RANBP2: variants seen among roughly 807,000 people sequenced by gnomAD.
RANBP2 encodes the protein RAN binding protein 2.
A neutral mutation model predicts 303.6 loss-of-function variants in RANBP2; 57 were observed. That is an observed-to-expected ratio of 0.19 (90% CI 0.15 to 0.23). RANBP2 has a LOEUF of 0.23. RANBP2 is among the 10% of genes least tolerant of loss of function. RANBP2 has a pLI of 1.00. For synonymous variants in RANBP2, 1,167 were observed against 1,301.5 expected (o/e 0.90, Z 2.23); for missense variants, 3,138 against 3,780.8 (o/e 0.83, Z 4.46).
chr2:109,681,109 G>A, the RANBP2 span, among the ~76,000 whole-genome samples: 1 of 152,226 alleles, frequency 6.6e-6, no homozygotes, highest in Non-Finnish European at 1.5e-5. Context: ...TGGACTAACT[G>A]CAGTCTTCTC....
the RANBP2 span, among the ~76,000 whole-genome samples, chr2:109,268,432 C>T: frequency 1.3e-5 from 2 of 152,102 alleles, no homozygotes; most frequent in East Asian, 3.9e-4. Flanking sequence ...CTCTCCCATC[C>T]TGTCCTGTCC....
At chr2:109,629,723 A>C in the RANBP2 span, among the ~76,000 whole-genome samples, 1 of 151,978 alleles carries the variant, frequency 6.6e-6, no homozygotes, top group Non-Finnish European at 1.5e-5. Flanking sequence ...AGGCAGAAGA[A>C]TCGCTTGAAC....
At chr2:109,213,454 C>T in the RANBP2 span, among the ~76,000 whole-genome samples, 1 of 152,174 alleles carries the variant, frequency 6.6e-6, no homozygotes. Context: ...GGACACTTCC[C>T]CTTATATCTC....
the RANBP2 span, among the ~76,000 whole-genome samples, chr2:109,252,664 A>G: frequency 2.0e-5 from 3 of 152,224 alleles, no homozygotes; most frequent in Admixed American, 6.5e-5. Context: ...CACCAAACCT[A>G]CAGAACCTCA....
the RANBP2 span, among the ~76,000 whole-genome samples, chr2:109,326,500 G>A: frequency 1.3e-5 from 2 of 152,132 alleles, no homozygotes; most frequent in African/African-American, 4.8e-5. Flanking sequence ...CGCCCTTGCC[G>A]ACACTTGCTG....
chr2:108,889,245 G>A, the RANBP2 span, among the ~76,000 whole-genome samples: 1 of 152,156 alleles, frequency 6.6e-6, no homozygotes, highest in Non-Finnish European at 1.5e-5. Flanking sequence ...AATGTTCCAT[G>A]TGCTGATGAA....
At chr2:109,315,021 C>T in the RANBP2 span, among the ~76,000 whole-genome samples, 2 of 152,230 alleles carry the variant, frequency 1.3e-5, no homozygotes, top group African/African-American at 2.4e-5. Flanking sequence ...TAGCCACCGA[C>T]CACACTCAGT....
the RANBP2 span, among the ~76,000 whole-genome samples, chr2:109,611,528 C>T: frequency 3.9e-5 from 6 of 151,966 alleles, no homozygotes; most frequent in African/African-American, 4.8e-5. Flanking sequence ...GAGGCTGAGA[C>T]GGGAGGATCG....
chr2:109,650,547 T>A, the RANBP2 span, among the ~76,000 whole-genome samples: 1,329 of 152,276 alleles, frequency 8.7e-3, 16 homozygotes, highest in African/African-American at 0.03. Flanking sequence ...ACAGGACCAC[T>A]GATGTGGTTT....
In RANBP2 at chr2:108,764,483, C is replaced by T. The variant is rs778959329; in HGVS notation, c.3944C>T (p.Ala1315Val). The change falls in exon 20 of 29, where the codon GCG (alanine) becomes GTG (valine). Residue 1315 changes from alanine to valine, a missense_variant. Ala to Val is a moderately conservative substitution (Grantham distance 64, BLOSUM62 0). This residue lies in a region of RANBP2 where 388 missense variants were observed against 328.5 expected (regional missense o/e 1.18). Coordinates refer to ENST00000283195, the MANE Select transcript of RANBP2 (RefSeq NM_006267.5). Reference protein sequence around the residue: ...LKAPGTNVAMASNQAVRIVKE... With the variant: ...LKAPGTNVAMVSNQAVRIVKE... Reference sequence around the variant, plus strand: ...GCCCCAGGAACAAATGTAGCCATGGCGTCAAATCAGGCTGTCAGAATTGTA... The same window carrying T: ...GCCCCAGGAACAAATGTAGCCATGGTGTCAAATCAGGCTGTCAGAATTGTA... The T allele has an allele frequency of 2.0e-5, 32 of 1,613,912 alleles. No homozygotes were observed. The highest frequency in any genetic ancestry group is 3.3e-5 in the South Asian group (3 of 91,074).
the RANBP2 span, among the ~76,000 whole-genome samples, chr2:109,404,288 G>A: frequency 1.3e-5 from 2 of 152,242 alleles, no homozygotes; most frequent in Non-Finnish European, 2.9e-5. Context: ...TGATGAGAAT[G>A]CTGAAAAGGA....
the RANBP2 span, chr2:108,929,221 A>G: frequency 1.4e-4 from 228 of 1,613,948 alleles, no homozygotes; most frequent in Admixed American, 3.8e-4. Flanking sequence ...GGCCACACTC[A>G]GCGTCATTCT....
chr2:108,894,220 A>C, the RANBP2 span, among the ~76,000 whole-genome samples: 4 of 152,220 alleles, frequency 2.6e-5, no homozygotes, highest in African/African-American at 9.6e-5. Flanking sequence ...ATGCCTTATG[A>C]GCTAATGATG....
chr2:109,073,940 A>G, the RANBP2 span, among the ~76,000 whole-genome samples: 1 of 150,704 alleles, frequency 6.6e-6, no homozygotes, highest in East Asian at 1.9e-4. Context: ...GACACAAAAG[A>G]AAAAAAGTTA....
the RANBP2 span, among the ~76,000 whole-genome samples, chr2:109,187,336 C>T: frequency 6.2e-4 from 92 of 148,208 alleles, no homozygotes; most frequent in African/African-American, 2.3e-3. Context: ...GCTCTTTTCT[C>T]CAGAGTGCAA....
chr2:109,018,783 G>A, the RANBP2 span, among the ~76,000 whole-genome samples: 2 of 152,230 alleles, frequency 1.3e-5, no homozygotes, highest in Non-Finnish European at 2.9e-5. Context: ...CCTCAGGCCA[G>A]GTTCCCTGCT....
At chr2:109,247,942 C>T in the RANBP2 span, among the ~76,000 whole-genome samples, 2 of 152,170 alleles carry the variant, frequency 1.3e-5, no homozygotes, top group Non-Finnish European at 2.9e-5. Flanking sequence ...CAGACTCCAA[C>T]GTGCAAGCGC....
At chr2:108,887,551 C>T in the RANBP2 span, among the ~76,000 whole-genome samples, 1 of 152,236 alleles carries the variant, frequency 6.6e-6, no homozygotes, top group South Asian at 2.1e-4. Flanking sequence ...CAATTTCTTT[C>T]ATCAGTGTTT....
chr2:108,755,276 C>T lies in RANBP2; in HGVS notation c.2466+17C>T, dbSNP rs760137862. 2.2e-5 allele frequency: 35 copies of T among 1,611,520 alleles called. No homozygotes were observed. In the African/African-American group the frequency reaches 4.7e-4, roughly 22 times the overall value. ...GCCATTAAGGTAAGTCACTTAATTT[C>T]TCTAGCTGTACTTTTTATTCCAAGA... On this transcript the variant is annotated intron_variant, in intron 17 of 28. Coordinates refer to ENST00000283195, the MANE Select transcript of RANBP2 (RefSeq NM_006267.5).
Sources: allele counts gnomAD v4.1 joint callset (sites outside exome capture counted in the v4.1 genomes callset), GRCh38; gene constraint gnomAD v4.1.1; regional missense constraint gnomAD v4.1.1; transcripts MANE v1.5; gene names NCBI Gene and HGNC (gene_info 2026-07-23, HGNC 2026-07-21).